Variants in ANO3 observed in about 807,000 individuals in gnomAD.
The protein encoded by ANO3 is anoctamin-3.
Under a neutral mutation model 144.8 loss-of-function variants are expected in ANO3, and 99 were observed. That is an observed-to-expected ratio of 0.68 (90% CI 0.58 to 0.81). ANO3 has a LOEUF of 0.81. ANO3 is among the 30% of genes least tolerant of loss of function. The probability of loss-of-function intolerance (pLI) is 0.00; values close to 1 mark genes in which losing one functional copy is unlikely to be tolerated. For missense variants in ANO3, 905 were observed against 1,202.2 expected, an observed-to-expected ratio of 0.75 and a Z score of 3.66; for synonymous variants, 414 against 392.6, an observed-to-expected ratio of 1.05 and a Z score of -0.64.
At chr11:26,347,162 T>C (rs192267100) in intron 1 of ANO3, among the ~76,000 whole-genome samples, 1 of 152,332 alleles carries the variant, frequency 6.6e-6, no homozygotes, top group Non-Finnish European at 1.5e-5. Flanking sequence ...CTTCAAACAT[T>C]ATCTAAAACT....
intron 1 of ANO3, among the ~76,000 whole-genome samples, chr11:26,379,542 G>A (rs1003492285): frequency 6.6e-6 from 1 of 152,106 alleles, no homozygotes; most frequent in African/African-American, 2.4e-5. Flanking sequence ...AGCACTTTAG[G>A]AGGCTGAGGT....
At chr11:26,632,432 C>T (rs1218170122) in intron 18 of ANO3, among the ~76,000 whole-genome samples, 1 of 150,840 alleles carries the variant, frequency 6.6e-6, no homozygotes, top group Non-Finnish European at 1.5e-5. Context: ...AGAAGAATCA[C>T]TTGAACCTGG....
At chr11:26,265,144 G>A (rs1853280358) in intron 1 of ANO3, among the ~76,000 whole-genome samples, 1 of 152,028 alleles carries the variant, frequency 6.6e-6, no homozygotes, top group South Asian at 2.1e-4. Context: ...GTCAAAAATA[G>A]TCATTATTTT....
chr11:26,630,487 A>G (rs1852740715), intron 18 of ANO3, among the ~76,000 whole-genome samples: 1 of 152,242 alleles, frequency 6.6e-6, no homozygotes, highest in African/African-American at 2.4e-5. Flanking sequence ...GTCTATTACT[A>G]AATCCTGTTT....
intron 2 of ANO3, among the ~76,000 whole-genome samples, chr11:26,442,385 G>T (rs372828929): frequency 3.9e-5 from 6 of 152,310 alleles, no homozygotes; most frequent in African/African-American, 1.4e-4. Flanking sequence ...TTTGGCCACT[G>T]TTTGCATCCC....
intron 1 of ANO3, among the ~76,000 whole-genome samples, chr11:26,298,921 G>A (rs1357658799): frequency 6.6e-6 from 1 of 152,194 alleles, no homozygotes; most frequent in Admixed American, 6.5e-5. Flanking sequence ...GATCATTTGG[G>A]AATGTCGAGT....
intron 5 of ANO3, among the ~76,000 whole-genome samples, chr11:26,513,459 G>C (rs1323999480): frequency 6.6e-6 from 1 of 152,118 alleles, no homozygotes; most frequent in South Asian, 2.1e-4. Flanking sequence ...TATCTGTACG[G>C]TAAAGTAAAA....
intron 1 of ANO3, among the ~76,000 whole-genome samples, chr11:26,315,275 T>C (rs1037364795): frequency 6.6e-6 from 1 of 152,190 alleles, no homozygotes; most frequent in Admixed American, 6.5e-5. Flanking sequence ...ATCCTCTTTT[T>C]CTAGACTCCA....
At chr11:26,291,570 T>A (rs994260770) in intron 1 of ANO3, among the ~76,000 whole-genome samples, 1 of 152,220 alleles carries the variant, frequency 6.6e-6, no homozygotes, top group Non-Finnish European at 1.5e-5. Context: ...CCATGTTTAG[T>A]GCTTCCTTCA....
chr11:26,203,067 A>T (rs1205697409), intron 1 of ANO3, among the ~76,000 whole-genome samples: 1 of 152,116 alleles, frequency 6.6e-6, no homozygotes, highest in East Asian at 1.9e-4. Context: ...TTTAGCCTTT[A>T]TTCCTCTAGT....
chr11:26,601,755 G>A (rs1851805760), intron 17 of ANO3, among the ~76,000 whole-genome samples: 1 of 152,210 alleles, frequency 6.6e-6, no homozygotes, highest in African/African-American at 2.4e-5. Context: ...TCAGTAGACA[G>A]AGGTTATTGC....
At chr11:26,246,240 A>T (rs145642093) in intron 1 of ANO3, among the ~76,000 whole-genome samples, 5 of 152,246 alleles carry the variant, frequency 3.3e-5, no homozygotes, top group South Asian at 2.1e-4. Flanking sequence ...TTTTTAGAAG[A>T]AGTAGTATTG....
chr11:26,634,985 G>T (rs759038106), intron 19 of ANO3, 28 bp from the exon 20 acceptor site: 2 of 1,594,556 alleles, frequency 1.3e-6, no homozygotes, highest in Non-Finnish European at 1.7e-6. Context: ...CCACTTAAAT[G>T]CTAATGAACT....
At chr11:26,510,028 G>A (rs1223586867) in intron 5 of ANO3, among the ~76,000 whole-genome samples, 1 of 151,286 alleles carries the variant, frequency 6.6e-6, no homozygotes, top group African/African-American at 2.4e-5. Context: ...CAGCTACTCT[G>A]GAGGCTGAGG....
intron 1 of ANO3, among the ~76,000 whole-genome samples, chr11:26,189,768 C>T (rs1036018459): frequency 6.6e-6 from 1 of 152,074 alleles, no homozygotes; most frequent in Non-Finnish European, 1.5e-5. Flanking sequence ...TTTATGTTCT[C>T]ATTAAGAACA....
intron 1 of ANO3, among the ~76,000 whole-genome samples, chr11:26,218,833 G>T: frequency 6.6e-6 from 1 of 152,124 alleles, no homozygotes; most frequent in Non-Finnish European, 1.5e-5. Context: ...AAAACTTAAA[G>T]GAAGAAAGAG....
At chr11:26,565,797 C>T (rs1282506815) in intron 14 of ANO3, 1 of 1,613,204 alleles carries the variant, frequency 6.2e-7, no homozygotes, top group South Asian at 1.1e-5. Flanking sequence ...TTTTCCATGG[C>T]TCCCCGATAG....
At chr11:26,212,687 C>T (rs2133784301) in intron 1 of ANO3, among the ~76,000 whole-genome samples, 1 of 152,012 alleles carries the variant, frequency 6.6e-6, no homozygotes, top group South Asian at 2.1e-4. Context: ...AGATTGACAG[C>T]CAAATTCTTC....
At chr11:26,236,260 G>T (rs984321655) in intron 1 of ANO3, among the ~76,000 whole-genome samples, 2 of 152,034 alleles carry the variant, frequency 1.3e-5, no homozygotes, top group Non-Finnish European at 2.9e-5. Flanking sequence ...TAAATTCCTA[G>T]AACTGAAGTT....
Sources: gnomAD v4.1 joint callset for allele counts (sites outside exome capture counted in the v4.1 genomes callset) on GRCh38, gnomAD v4.1.1 for gene constraint, MANE v1.5 for transcripts, NCBI Gene and HGNC (gene_info 2026-07-23, HGNC 2026-07-21) for gene names.